PLXND1: variants seen among roughly 807,000 people sequenced by gnomAD.
PLXND1 encodes the protein plexin-D1.
Under a neutral mutation model 197.7 loss-of-function variants are expected in PLXND1, and 54 were observed. The ratio of observed to expected loss-of-function variants is 0.27; its 90% CI spans 0.22 to 0.34. The LOEUF (loss-of-function observed/expected upper bound fraction) is 0.34, where lower values mean the gene tolerates loss of function less well. Among genes scored for constraint, PLXND1 ranks in the 10% least tolerant of loss-of-function variants. The probability of loss-of-function intolerance (pLI) is 1.00; values close to 1 mark genes in which losing one functional copy is unlikely to be tolerated. For missense variants in PLXND1, 2,127 were observed against 2,699.2 expected, an observed-to-expected ratio of 0.79 and a Z score of 4.70; for synonymous variants, 1,180 against 1,161.2, an observed-to-expected ratio of 1.02 and a Z score of -0.33.
intron 27 of PLXND1, 91 bp from the exon 28 acceptor site, chr3:129,561,994 C>T (rs945031669): frequency 2.5e-5 from 20 of 815,238 alleles, no homozygotes; most frequent in East Asian, 2.4e-5. Flanking sequence ...AGAGGCCTCT[C>T]GCTCTCTCCA....
chr3:129,560,999 G>A (rs747800071), intron 29 of PLXND1: 6 of 582,810 alleles, frequency 1.0e-5, no homozygotes, highest in South Asian at 6.1e-5. Flanking sequence ...CACAGCGAGC[G>A]AGACAGAGTG....
At position 129,593,858 on chromosome 3, in the gene PLXND1, G is replaced by A. The variant is rs148277307; in HGVS notation, c.1312-4331C>T. 1.1e-4 allele frequency among the ~76,000 whole-genome samples: 17 copies of A among 152,248 alleles called. No individual in the cohort carries two copies. The East Asian group carries it at 2.7e-3, about 24-fold the overall frequency. ...GGGATGAGCAACCGCCGCTGGTTTC[G>A]GCCCCGTTTTGAGAGCAGGATGCCC... is the stretch of plus-strand genomic sequence containing the variant. On this transcript the variant is annotated intron_variant, in intron 1 of 35. Transcript: ENST00000324093.
At position 129,555,579 on chromosome 3, in the gene PLXND1, CTT is replaced by C. The variant is rs1193534331; in HGVS notation, c.*731_*732del. On this transcript the variant is annotated 3_prime_UTR_variant, in exon 36 of 36. Transcript: ENST00000324093. Reference sequence around the variant, plus strand: ...AAAAGTGGTGCTATCTTTAGAAACACTTTCAGCAAGATCAAGTAGCCCAGCTA... The same window carrying C: ...AAAAGTGGTGCTATCTTTAGAAACACTCAGCAAGATCAAGTAGCCCAGCTA... The C allele has an allele frequency of 1.5e-6, 1 of 649,108 alleles. No homozygotes were observed. The highest frequency in any genetic ancestry group is 2.9e-5 in the East Asian group (1 of 34,274). The allele number at this position is 649,108 out of a possible 1,614,324, so 40.2% of individuals were successfully genotyped here.
At chr3:129,561,013 CAGAG>C (rs2085050886) in intron 29 of PLXND1, 1 of 560,032 alleles carries the variant, frequency 1.8e-6, no homozygotes. Flanking sequence ...CAGAGTGAGG[CAGAG>C]AGAGAAAGAC....
intron 1 of PLXND1, among the ~76,000 whole-genome samples, chr3:129,603,640 C>T (rs1305990298): frequency 6.6e-6 from 1 of 152,202 alleles, no homozygotes; most frequent in Non-Finnish European, 1.5e-5. Flanking sequence ...CCCACCGTGA[C>T]CTTTACTTTC....
chr3:129,596,184 C>T (rs907925809), intron 1 of PLXND1, among the ~76,000 whole-genome samples: 1 of 152,098 alleles, frequency 6.6e-6, no homozygotes. Context: ...GCTATGCAGA[C>T]CACGGAGCAG....
chr3:129,587,968 C>T (rs552262201), intron 2 of PLXND1, among the ~76,000 whole-genome samples: 11 of 78,394 alleles, frequency 1.4e-4, no homozygotes, highest in East Asian at 1.0e-3. Flanking sequence ...GGCCACTGCC[C>T]GCACCCACCC....
At chr3:129,588,646 G>A (rs2085494526) in intron 2 of PLXND1, among the ~76,000 whole-genome samples, 1 of 152,272 alleles carries the variant, frequency 6.6e-6, no homozygotes, top group African/African-American at 2.4e-5. Context: ...AGTTAGGCCG[G>A]GCCTGGTGCA....
chr3:129,598,127 A>G (rs1276968416), intron 1 of PLXND1, among the ~76,000 whole-genome samples: 1 of 152,174 alleles, frequency 6.6e-6, no homozygotes, highest in Non-Finnish European at 1.5e-5. Context: ...CCTGCAGGCA[A>G]GGCCCAGCAC....
chr3:129,597,953 G>T (rs1473144641), intron 1 of PLXND1, among the ~76,000 whole-genome samples: 1 of 152,208 alleles, frequency 6.6e-6, no homozygotes, highest in Non-Finnish European at 1.5e-5. Context: ...CACAGTGGGG[G>T]CTCCGGGTGA....
rs1237391198 is a variant in PLXND1 at position 129,605,382 on chromosome 3, C to T, written c.1258G>A (p.Asp420Asn). The T allele has an allele frequency of 2.7e-6, 4 of 1,502,544 alleles. No individual in the cohort carries two copies. Among genetic ancestry groups the T allele is most frequent in the Non-Finnish European group, 3.5e-6 (4 of 1,133,982 alleles). 93.1% of individuals were successfully genotyped at this position (1,502,544 alleles called of 1,614,324 possible). A position where few individuals can be genotyped will look rare whatever the true frequency, so the allele number is the denominator to read the frequency against. The change falls in exon 1 of 36, where the codon GAC becomes AAC. Residue 420 changes from aspartate to asparagine, a missense_variant. By Grantham distance (23) the Asp-to-Asn change is conservative (BLOSUM62 1). This residue lies in a region of PLXND1 where 1,095 missense variants were observed against 1,259.8 expected (regional missense o/e 0.87). Transcript: ENST00000324093. ...EPAPDVVAVL[D>N]SVVQGTGPAC... The stretch of plus-strand genomic sequence containing the variant: ...GGTCCCGTGCCCTGCACCACGCTGT[C>T]GAGCACCGCCACCACGTCGGGCGCC...
At chr3:129,561,027 C>T (rs2085051139) in intron 29 of PLXND1, 2 of 537,058 alleles carry the variant, frequency 3.7e-6, no homozygotes, top group African/African-American at 1.9e-5. Context: ...GAGAGAAAGA[C>T]ACACACACAG....
At chr3:129,560,823 A>T in intron 29 of PLXND1, 100 bp from the exon 30 acceptor site, 1 of 777,992 alleles carries the variant, frequency 1.3e-6, no homozygotes, top group Non-Finnish European at 2.3e-6. Context: ...CAAGACAGAA[A>T]GATGGGGAGA....
chr3:129,556,585 C>T (rs776506123), intron 35 of PLXND1, 32 bp downstream of exon 35: 9 of 1,524,520 alleles, frequency 5.9e-6, no homozygotes, highest in East Asian at 2.3e-5. Context: ...TCACCTACCC[C>T]GAGGGCAGGT....
In PLXND1 at chr3:129,594,059, C is replaced by T. The variant is rs79311852; in HGVS notation, c.1312-4532G>A. ...CGGCTTCTCAGGCCTCACATCCTGC[C>T]GCAGACCCACCGCAGGTGGCACTAT... is the stretch of plus-strand genomic sequence containing the variant. On this transcript the variant is annotated intron_variant, in intron 1 of 35. Coordinates refer to ENST00000324093, the MANE Select transcript of PLXND1 (RefSeq NM_015103.3). Among the ~76,000 whole-genome samples the T allele has an allele frequency of 6.0e-3, 920 of 152,290 alleles. 3 individuals carry two copies. The highest frequency in any genetic ancestry group is 0.01 in the Middle Eastern group (3 of 294).
At chr3:129,572,465 AGAG>A (rs2085248154) in intron 15 of PLXND1, 141 bp downstream of exon 15, 3 of 626,648 alleles carry the variant, frequency 4.8e-6, no homozygotes, top group Non-Finnish European at 5.2e-6. Flanking sequence ...TGAGGCTCAG[AGAG>A]GAGAAGGGGC....
chr3:129,605,880 TGAA>T lies in PLXND1; in HGVS notation c.757_759del (p.Phe253del). The T allele has an allele frequency of 6.2e-7, 1 of 1,613,540 alleles. No individual in the cohort carries two copies. Among genetic ancestry groups the T allele is most frequent in the Non-Finnish European group, 8.5e-7 (1 of 1,179,846 alleles). On this transcript the variant is annotated inframe_deletion, in exon 1 of 36. Coordinates refer to ENST00000324093, the MANE Select transcript of PLXND1 (RefSeq NM_015103.3). ...TCGTCGGAGGGGTTGAGGTCGAAGG[TGAA>T]GAGCTTGGCCAGGTCGCCGCGCGTG...
chr3:129,592,185 A>G (rs2085553211), intron 1 of PLXND1, among the ~76,000 whole-genome samples: 1 of 151,874 alleles, frequency 6.6e-6, no homozygotes, highest in Non-Finnish European at 1.5e-5. Flanking sequence ...TGTGTGTTAC[A>G]GTTGGGGACA....
At chr3:129,593,871 G>C (rs1180922697) in intron 1 of PLXND1, among the ~76,000 whole-genome samples, 1 of 152,198 alleles carries the variant, frequency 6.6e-6, no homozygotes, top group Non-Finnish European at 1.5e-5. Context: ...CCCGTTTTGA[G>C]AGCAGGATGC....
Sources: gnomAD v4.1 joint callset for allele counts (sites outside exome capture counted in the v4.1 genomes callset) on GRCh38, gnomAD v4.1.1 for gene constraint, gnomAD v4.1.1 regional missense constraint, MANE v1.5 for transcripts, NCBI Gene and HGNC (gene_info 2026-07-23, HGNC 2026-07-21) for gene names.